ENOX1: variants seen among roughly 807,000 people sequenced by gnomAD.
ENOX1 encodes candidate growth-related and time keeping constitutive hydroquinone (NADH) oxidase.
In ENOX1, 42 loss-of-function variants were observed where a neutral mutation model predicts 82.5. The ratio of observed to expected loss-of-function variants is 0.51; its 90% CI spans 0.40 to 0.66. ENOX1 has a LOEUF of 0.66. ENOX1 is among the 30% of genes least tolerant of loss of function. ENOX1 has a pLI of 0.00. For missense variants in ENOX1, 608 were observed against 811.6 expected, an observed-to-expected ratio of 0.75 and a Z score of 3.05; for synonymous variants, 271 against 282.2, an observed-to-expected ratio of 0.96 and a Z score of 0.40.
intron 2 of ENOX1, among the ~76,000 whole-genome samples, chr13:43,611,379 C>T (rs2082194466): frequency 1.3e-5 from 2 of 152,166 alleles, no homozygotes; most frequent in African/African-American, 2.4e-5. Context: ...CTGGCAAACA[C>T]GACTGCATCA....
chr13:43,420,610 A>G (rs1055124745), intron 3 of ENOX1, among the ~76,000 whole-genome samples: 1 of 152,162 alleles, frequency 6.6e-6, no homozygotes, highest in African/African-American at 2.4e-5. Context: ...CTGAGGGGAA[A>G]GAAAGGAGGG....
rs527286731 is a variant in ENOX1 at position 43,631,677 on chromosome 13, A to G, written c.-219+35802T>C. Among the ~76,000 whole-genome samples, 4 of 152,280 alleles carry G rather than the reference A, an allele frequency of 2.6e-5. No homozygotes were observed. The South Asian group carries it at 6.2e-4, about 24-fold the overall frequency. On this transcript the variant is annotated intron_variant, in intron 2 of 16. Transcript: ENST00000690772. ...TCTTTAAAACAAAATCGGGAACACA[A>G]TATCTACACGCAAGTAGGCTTTTAT...
chr13:43,282,026 A>T (rs1321008762), intron 12 of ENOX1, among the ~76,000 whole-genome samples: 1 of 152,150 alleles, frequency 6.6e-6, no homozygotes, highest in African/African-American at 2.4e-5. Context: ...GTTGCTGGGG[A>T]TAACCTTTAA....
At chr13:43,429,125 A>T (rs2055508170) in intron 3 of ENOX1, among the ~76,000 whole-genome samples, 1 of 152,202 alleles carries the variant, frequency 6.6e-6, no homozygotes, top group Non-Finnish European at 1.5e-5. Flanking sequence ...AGCTCCTGTC[A>T]CAAGTACCCT....
chr13:43,636,703 G>A (rs1358352151), intron 2 of ENOX1, among the ~76,000 whole-genome samples: 3 of 152,252 alleles, frequency 2.0e-5, no homozygotes, highest in Non-Finnish European at 2.9e-5. Context: ...ATAACCAACG[G>A]CACGGGTGGC....
intron 2 of ENOX1, among the ~76,000 whole-genome samples, chr13:43,506,084 C>T (rs9706893): frequency 0.37 from 55,772 of 151,762 alleles, 12,213 homozygotes; most frequent in Non-Finnish European, 0.5. Flanking sequence ...TTATTTCTGA[C>T]GGCTCTGTTC....
chr13:43,220,253 G>A (rs1039220557), intron 16 of ENOX1, among the ~76,000 whole-genome samples: 4 of 151,842 alleles, frequency 2.6e-5, no homozygotes, highest in Admixed American at 2.0e-4. Flanking sequence ...ATGAGGGCAG[G>A]AAGGAGAGAA....
chr13:43,309,942 G>C (rs964219685), intron 11 of ENOX1, among the ~76,000 whole-genome samples: 5 of 152,066 alleles, frequency 3.3e-5, no homozygotes, highest in Admixed American at 3.3e-4. Flanking sequence ...GGTGGCTCAC[G>C]CCTGTAATCC....
At chr13:43,601,927 T>C (rs1214848986) in intron 2 of ENOX1, among the ~76,000 whole-genome samples, 2 of 152,116 alleles carry the variant, frequency 1.3e-5, no homozygotes, top group Non-Finnish European at 2.9e-5. Context: ...AAAAACTTCT[T>C]ATCCTAGAAT....
intron 3 of ENOX1, among the ~76,000 whole-genome samples, chr13:43,470,170 T>A (rs2057924771): frequency 6.7e-6 from 1 of 148,392 alleles, no homozygotes; most frequent in Non-Finnish European, 1.5e-5. Flanking sequence ...TACTATAAAG[T>A]TTTCAAACTA....
At chr13:43,541,173 G>GTGTTTTTTT (rs1555317901) in intron 2 of ENOX1, among the ~76,000 whole-genome samples, 3 of 64,574 alleles carry the variant, frequency 4.6e-5, no homozygotes, top group African/African-American at 1.5e-4. Flanking sequence ...TCTTCCCTCT[G>GTGTTTTTTT]TTTTTTTTTT....
At chr13:43,488,971 A>C (rs2076524737) in intron 2 of ENOX1, among the ~76,000 whole-genome samples, 1 of 152,204 alleles carries the variant, frequency 6.6e-6, no homozygotes, top group African/African-American at 2.4e-5. Flanking sequence ...TCAAATTGTG[A>C]GCATTTGGGA....
At chr13:43,352,305 G>A (rs920057282) in intron 8 of ENOX1, among the ~76,000 whole-genome samples, 1 of 152,222 alleles carries the variant, frequency 6.6e-6, no homozygotes, top group African/African-American at 2.4e-5. Context: ...ATCACAAAAT[G>A]AAAGATTATG....
At chr13:43,249,655 C>G (rs909669005) in intron 14 of ENOX1, among the ~76,000 whole-genome samples, 1 of 151,984 alleles carries the variant, frequency 6.6e-6, no homozygotes, top group Non-Finnish European at 1.5e-5. Flanking sequence ...GTTTATGTTA[C>G]TGATGATAAT....
chr13:43,405,451 C>G (rs1469433815), intron 5 of ENOX1, among the ~76,000 whole-genome samples: 1 of 152,136 alleles, frequency 6.6e-6, no homozygotes, highest in African/African-American at 2.4e-5. Flanking sequence ...AATCTCCCTG[C>G]TCAACACAGG....
intron 2 of ENOX1, among the ~76,000 whole-genome samples, chr13:43,625,552 A>G (rs988586625): frequency 6.6e-6 from 1 of 151,972 alleles, no homozygotes; most frequent in Non-Finnish European, 1.5e-5. Context: ...TTCATCATAA[A>G]TAAGTGTTGA....
At chr13:43,655,691 C>T (rs1213087414) in intron 2 of ENOX1, among the ~76,000 whole-genome samples, 4 of 152,172 alleles carry the variant, frequency 2.6e-5, no homozygotes, top group Non-Finnish European at 5.9e-5. Context: ...TTCTCCTCTT[C>T]CTGGCTGTGG....
intron 1 of ENOX1, among the ~76,000 whole-genome samples, chr13:43,730,651 T>G (rs1280362724): frequency 6.6e-6 from 1 of 152,126 alleles, no homozygotes; most frequent in East Asian, 1.9e-4. Context: ...CCTTCAGTAG[T>G]ACCATGTCAC....
At chr13:43,692,917 C>T (rs1268333664) in intron 1 of ENOX1, among the ~76,000 whole-genome samples, 2 of 152,072 alleles carry the variant, frequency 1.3e-5, no homozygotes, top group Non-Finnish European at 2.9e-5. Flanking sequence ...ACAACCTAAA[C>T]ATCTATCAAT....
Sources: gnomAD v4.1 joint callset for allele counts (sites outside exome capture counted in the v4.1 genomes callset) on GRCh38, gnomAD v4.1.1 for gene constraint, MANE v1.5 for transcripts, NCBI Gene and HGNC (gene_info 2026-07-23, HGNC 2026-07-21) for gene names.